The following TGFBR2 variants were observed in gnomAD, a reference collection of about 807,000 sequenced individuals.
The protein encoded by TGFBR2 is TGF-beta receptor type-2.
TGFBR2 carries 18 observed loss-of-function variants against 49.0 expected under a neutral mutation model. The observed-to-expected ratio is 0.37, with a 90% CI of 0.25 to 0.54. The LOEUF (loss-of-function observed/expected upper bound fraction) is 0.54. Ranked by LOEUF, TGFBR2 falls within the 20% of genes least tolerant of loss-of-function variation. The pLI, the probability that TGFBR2 is intolerant of heterozygous loss-of-function variation, is 0.85. For missense variants in TGFBR2, 525 were observed against 722.6 expected, an observed-to-expected ratio of 0.73 and a Z score of 3.13; for synonymous variants, 282 against 275.9, an observed-to-expected ratio of 1.02 and a Z score of -0.22.
intron 5 of TGFBR2, among the ~76,000 whole-genome samples, chr3:30,680,180 TAGTC>T (rs1225871049): frequency 7.7e-6 from 1 of 129,190 alleles, no homozygotes; most frequent in Non-Finnish European, 1.5e-5. Flanking sequence ...ATGGATACGA[TAGTC>T]AGAGCTACTC....
chr3:30,620,057 G>A (rs1045475860), intron 1 of TGFBR2, among the ~76,000 whole-genome samples: 1 of 152,074 alleles, frequency 6.6e-6, no homozygotes, highest in Non-Finnish European at 1.5e-5. Context: ...CGTGGTGGCG[G>A]GTGCCTGTAG....
intron 1 of TGFBR2, among the ~76,000 whole-genome samples, chr3:30,644,121 G>A (rs1698687867): frequency 6.6e-6 from 1 of 152,184 alleles, no homozygotes; most frequent in South Asian, 2.1e-4. Flanking sequence ...CTCAAACACA[G>A]AGAGAGATCA....
Position 30,606,779 on chromosome 3 carries a change from G to C in TGFBR2, c.-105G>C. ...CCCGCACATCTGCGCTGCCGGCCCG[G>C]CGCGGGGTCCGGAGAGGGCGCGGCG... On this transcript the variant is annotated 5_prime_UTR_variant, in exon 1 of 7. Transcript: ENST00000295754. 2 of 836,112 alleles carry C rather than the reference G, an allele frequency of 2.4e-6. No individual in the cohort carries two copies. Among genetic ancestry groups the C allele is most frequent in the Non-Finnish European group, 3.3e-6 (2 of 611,528 alleles). 51.8% of individuals were successfully genotyped at this position (836,112 alleles called of 1,614,324 possible). A position where few individuals can be genotyped will look rare whatever the true frequency, so the allele number is the denominator to read the frequency against.
chr3:30,664,112 AGCTCAGATTACAT>A (rs1699199186), intron 3 of TGFBR2, among the ~76,000 whole-genome samples: 1 of 150,864 alleles, frequency 6.6e-6, no homozygotes, highest in Non-Finnish European at 1.5e-5. Flanking sequence ...CCTTTTAAGT[AGCTCAGATTACAT>A]GCCCACACCA....
At chr3:30,628,751 C>T (rs559709246) in intron 1 of TGFBR2, among the ~76,000 whole-genome samples, 4 of 152,212 alleles carry the variant, frequency 2.6e-5, no homozygotes, top group African/African-American at 9.6e-5. Context: ...TGCCAGCTGA[C>T]ATGAGCCTTT....
In TGFBR2 at chr3:30,676,977, C is replaced by A. The variant is rs953142271; in HGVS notation, c.1396+2731C>A. Among the ~76,000 whole-genome samples, 1 of 152,102 alleles carries A rather than the reference C, an allele frequency of 6.6e-6. No individual in the cohort carries two copies. The highest frequency in any genetic ancestry group is 6.5e-5 in the Admixed American group (1 of 15,270). ...GACAGTTCCAAAATGAATCTTTAGC[C>A]GGGTATGAGTTGTATCAGAGACAAT... On this transcript the variant is annotated intron_variant, in intron 5 of 6. Transcript: ENST00000295754. The surrounding 1 kb of genome is among the most constrained non-coding windows in gnomAD (Gnocchi z 4.3).
chr3:30,669,663 A>T (rs1294027870), intron 3 of TGFBR2, among the ~76,000 whole-genome samples: 1 of 152,186 alleles, frequency 6.6e-6, no homozygotes, highest in African/African-American at 2.4e-5. Context: ...TCTTTGTTGT[A>T]CACATGGCTG....
intron 3 of TGFBR2, among the ~76,000 whole-genome samples, chr3:30,671,238 G>A (rs558568763): frequency 7.6e-4 from 115 of 152,312 alleles, no homozygotes; most frequent in Non-Finnish European, 1.4e-3. Context: ...TTCCCTGTCC[G>A]TGGGGGATGG....
chr3:30,607,758 G>C (rs1365040877), intron 1 of TGFBR2, among the ~76,000 whole-genome samples: 1 of 146,918 alleles, frequency 6.8e-6, no homozygotes. Context: ...CCACCTGATC[G>C]CTGTCTCTGA....
Position 30,693,259 on chromosome 3 carries a change from C to T in TGFBR2, c.*1660C>T, listed in dbSNP as rs1413636495. ...CCGTTCTCTCCATCATGCCAGCCTT[C>T]TCAACCTTTGCAGAAATTACTAGAG... On this transcript the variant is annotated 3_prime_UTR_variant, in exon 7 of 7. Transcript: ENST00000295754. The T allele has an allele frequency of 4.3e-6, 1 of 233,804 alleles. No homozygotes were observed. Among genetic ancestry groups the T allele is most frequent in the East Asian group, 6.0e-5 (1 of 16,696 alleles). 14.5% of individuals were successfully genotyped at this position (233,804 alleles called of 1,614,324 possible).
intron 6 of TGFBR2, among the ~76,000 whole-genome samples, chr3:30,689,276 G>A (rs1011353248): frequency 6.6e-6 from 1 of 152,194 alleles, no homozygotes; most frequent in Non-Finnish European, 1.5e-5. Context: ...AAAAGAAAAC[G>A]ATAGGTTGTG....
At chr3:30,661,937 T>C (rs1246192350) in intron 3 of TGFBR2, among the ~76,000 whole-genome samples, 1 of 152,196 alleles carries the variant, frequency 6.6e-6, no homozygotes, top group Non-Finnish European at 1.5e-5. Context: ...TAGGGTCTGA[T>C]AAATCTGTCA....
intron 1 of TGFBR2, among the ~76,000 whole-genome samples, chr3:30,614,977 C>A (rs776505156): frequency 6.6e-6 from 1 of 152,116 alleles, no homozygotes; most frequent in Non-Finnish European, 1.5e-5. Context: ...TATATTATCC[C>A]ATTGCATTTT....
chr3:30,691,134 C>T (rs1002390538), intron 6 of TGFBR2, among the ~76,000 whole-genome samples: 4 of 152,264 alleles, frequency 2.6e-5, no homozygotes, highest in African/African-American at 9.6e-5. Flanking sequence ...CCCAGAAGCC[C>T]AGCAGAGGAT....
chr3:30,615,102 A>T (rs1698107075), intron 1 of TGFBR2, among the ~76,000 whole-genome samples: 1 of 152,212 alleles, frequency 6.6e-6, no homozygotes, highest in Non-Finnish European at 1.5e-5. Context: ...GTCTTGGCTG[A>T]ATCATGGAAC....
chr3:30,609,525 A>G (rs2125441906), intron 1 of TGFBR2, among the ~76,000 whole-genome samples: 1 of 152,318 alleles, frequency 6.6e-6, no homozygotes, highest in South Asian at 2.1e-4. Context: ...ACTAAGAAAT[A>G]GAAAGTTTTT....
In TGFBR2 at chr3:30,691,577, G is replaced by A. The variant is rs1559473531; in HGVS notation, c.1682G>A (p.Gly561Asp). Residue 561 changes from glycine (G) to aspartate (D), a missense_variant, in exon 7 of 7, where the codon GGC becomes GAC. This residue lies in a region of TGFBR2 where 104 missense variants were observed against 133.4 expected (regional missense o/e 0.78). Coordinates refer to ENST00000295754, the MANE Select transcript of TGFBR2 (RefSeq NM_003242.6). Reference sequence around the variant, plus strand: ...TCGGAGGAGAAGATTCCTGAAGACGGCTCCCTAAACACTACCAAATAGCTC... The same window carrying A: ...TCGGAGGAGAAGATTCCTGAAGACGACTCCCTAAACACTACCAAATAGCTC... The part of the protein sequence containing the change: ...SCSEEKIPED[G>D]SLNTTK 6.2e-7 allele frequency: 1 copy of A among 1,614,084 alleles called. No individual in the cohort carries two copies. Among genetic ancestry groups the A allele is most frequent in the Non-Finnish European group, 8.5e-7 (1 of 1,179,998 alleles).
At chr3:30,683,690 A>C (rs1049644936) in intron 5 of TGFBR2, among the ~76,000 whole-genome samples, 9 of 152,252 alleles carry the variant, frequency 5.9e-5, no homozygotes, top group African/African-American at 2.2e-4. Context: ...ACCATCATGA[A>C]AAATAAATAA....
At chr3:30,607,824 T>C (rs958493687) in intron 1 of TGFBR2, among the ~76,000 whole-genome samples, 1 of 135,678 alleles carries the variant, frequency 7.4e-6, no homozygotes, top group Non-Finnish European at 1.5e-5. Flanking sequence ...TATATATATA[T>C]AAATATATAT....
Sources: gnomAD v4.1 joint callset for allele counts (sites outside exome capture counted in the v4.1 genomes callset) on GRCh38, gnomAD v4.1.1 for gene constraint, gnomAD v4.1.1 regional missense constraint, Gnocchi (gnomAD v3.1) non-coding constraint, MANE v1.5 for transcripts, NCBI Gene and HGNC (gene_info 2026-07-23, HGNC 2026-07-21) for gene names.